The following ZNF185 variants were observed in gnomAD, a reference collection of about 807,000 sequenced individuals.
The protein encoded by ZNF185 is zinc finger protein 185.
In ZNF185, 56 loss-of-function variants were observed where a neutral mutation model predicts 58.6. The observed-to-expected ratio is 0.95, with a 90% confidence interval of 0.77 to 1.19. The LOEUF (loss-of-function observed/expected upper bound fraction) is 1.19, where lower values mean the gene tolerates loss of function less well. Ranked by LOEUF, ZNF185 falls within the 50% of genes most tolerant of loss-of-function variation. The pLI, the probability that ZNF185 is intolerant of heterozygous loss-of-function variation, is 0.00. For synonymous variants in ZNF185, 230 were observed against 215.9 expected, an observed-to-expected ratio of 1.07 and a Z score of -0.57; for missense variants, 627 against 573.5, an observed-to-expected ratio of 1.09 and a Z score of -0.95.
At chrX:152,942,622 G>A (rs1261572921) in intron 15 of ZNF185, among the ~76,000 whole-genome samples, 1 of 112,102 alleles carries the variant, frequency 8.9e-6, no homozygotes, top group Non-Finnish European at 1.9e-5. Flanking sequence ...GACATGACAC[G>A]ATATCTCATC....
intron 15 of ZNF185, among the ~76,000 whole-genome samples, chrX:152,940,488 G>C (rs1160779401): frequency 1.8e-5 from 2 of 110,427 alleles, no homozygotes; most frequent in East Asian, 5.7e-4. Context: ...ATTGGCAATT[G>C]GTTGAAAGAG....
intron 7 of ZNF185, among the ~76,000 whole-genome samples, chrX:152,919,600 T>C (rs1166605677): frequency 2.7e-5 from 3 of 112,123 alleles, no homozygotes; most frequent in Non-Finnish European, 3.8e-5. Context: ...CAAAGTTCCA[T>C]GGACCCTTGC....
intron 16 of ZNF185, among the ~76,000 whole-genome samples, chrX:152,951,944 A>G (rs192516167): frequency 1.5e-4 from 17 of 112,606 alleles, no homozygotes; most frequent in Admixed American, 8.5e-4. Context: ...TTAAGTTACC[A>G]AAAAGATTTT....
At chrX:152,907,254 AG>A in the ZNF185 span, among the ~76,000 whole-genome samples, 1 of 111,177 alleles carries the variant, frequency 9.0e-6, no homozygotes, top group Non-Finnish European at 1.9e-5. Context: ...TGCATGCATC[AG>A]CCCCCTGCGT....
upstream of ZNF185, among the ~76,000 whole-genome samples, chrX:152,911,925 G>A (rs1436956430): frequency 1.6e-5 from 1 of 61,503 alleles, no homozygotes; most frequent in Non-Finnish European, 3.0e-5. Flanking sequence ...CATCTGATCC[G>A]TCCATCCCAT....
chrX:152,947,269 G>A (rs2047876746), intron 16 of ZNF185, among the ~76,000 whole-genome samples: 1 of 111,268 alleles, frequency 9.0e-6, no homozygotes, highest in Non-Finnish European at 1.9e-5. Flanking sequence ...TGTAGTACCA[G>A]CTACTTGGGA....
At chrX:152,950,552 C>CT (rs1422859211) in intron 16 of ZNF185, among the ~76,000 whole-genome samples, 5 of 111,357 alleles carry the variant, frequency 4.5e-5, no homozygotes, top group Non-Finnish European at 9.4e-5. Flanking sequence ...CCATTATAGA[C>CT]TAATTTAGGG....
chrX:152,968,205 C>T (rs2050305797), intron 20 of ZNF185, among the ~76,000 whole-genome samples: 1 of 112,238 alleles, frequency 8.9e-6, no homozygotes. Flanking sequence ...CTTGGTGAGG[C>T]ACATCAGCAG....
chrX:152,958,148 C>T (rs2049042255), intron 16 of ZNF185, among the ~76,000 whole-genome samples: 3 of 112,148 alleles, frequency 2.7e-5, no homozygotes, highest in Admixed American at 1.9e-4. Flanking sequence ...TTTGCTGCCT[C>T]CCGGGCGTAA....
chrX:152,970,604 C>A, intron 22 of ZNF185, 63 bp downstream of exon 24: 2 of 987,001 alleles, frequency 2.0e-6, no homozygotes, highest in Non-Finnish European at 2.9e-6. Flanking sequence ...GAGATGCACC[C>A]TGGTCTCTCC....
chrX:152,901,085 T>G, the ZNF185 span, among the ~76,000 whole-genome samples: 1 of 112,016 alleles, frequency 8.9e-6, no homozygotes, highest in Admixed American at 9.4e-5. Flanking sequence ...GACTGGGATG[T>G]GGGCCCCTAC....
At chrX:152,972,701 T>C (rs2050723145) in exon 23 of ZNF185, 1 of 111,010 alleles carries the variant, frequency 9.0e-6, no homozygotes, top group South Asian at 3.8e-4. Context: ...CCCAGGTACT[T>C]GGGACATGGA....
chrX:152,939,950 T>C (rs782353921), intron 15 of ZNF185, among the ~76,000 whole-genome samples: 2 of 110,131 alleles, frequency 1.8e-5, no homozygotes, highest in Non-Finnish European at 3.8e-5. Context: ...GCCCAGCTAA[T>C]TTTTATATTT....
At chrX:152,905,978 G>A in the ZNF185 span, among the ~76,000 whole-genome samples, 2 of 112,656 alleles carry the variant, frequency 1.8e-5, no homozygotes, top group Non-Finnish European at 3.8e-5. Context: ...TCTGGCTCTT[G>A]TAGGAGGACT....
At chrX:152,945,643 C>T (rs2047713354) in intron 16 of ZNF185, among the ~76,000 whole-genome samples, 179 bp downstream of exon 18, 1 of 111,686 alleles carries the variant, frequency 9.0e-6, no homozygotes, top group Non-Finnish European at 1.9e-5. Flanking sequence ...TGTCATCAGG[C>T]TTCTTGTGGC....
At chrX:152,924,873 C>T (rs903284286) in intron 11 of ZNF185, among the ~76,000 whole-genome samples, 23 of 111,970 alleles carry the variant, frequency 2.1e-4, no homozygotes, top group Non-Finnish European at 4.1e-4. Flanking sequence ...TTAGTAGAGA[C>T]GGGTTTCACC....
chrX:152,925,626 C>T (rs964399289), intron 11 of ZNF185, among the ~76,000 whole-genome samples: 5 of 111,507 alleles, frequency 4.5e-5, no homozygotes, highest in Admixed American at 9.5e-5. Context: ...GATCCTGACC[C>T]TGGAGGGCCG....
At chrX:152,917,438 T>C in intron 5 of ZNF185, 76 bp downstream of exon 6, 1 of 1,089,836 alleles carries the variant, frequency 9.2e-7, no homozygotes, top group South Asian at 1.9e-5. Context: ...GCAGAGACAG[T>C]GCTCTGCCTA....
intron 11 of ZNF185, 39 bp from the exon 13 acceptor site, chrX:152,928,536 C>T: frequency 1.7e-6 from 2 of 1,201,032 alleles, no homozygotes; most frequent in Non-Finnish European, 2.3e-6. Context: ...GGAGACTTTT[C>T]TCACCTGCAA....
Sources: allele counts gnomAD v4.1 joint callset (sites outside exome capture counted in the v4.1 genomes callset), GRCh38; gene constraint gnomAD v4.1.1; transcripts MANE v1.5; gene names NCBI Gene and HGNC (gene_info 2026-07-23, HGNC 2026-07-21).